The following EP300 variants were observed in gnomAD, a reference collection of about 807,000 sequenced individuals.
The protein encoded by EP300 is histone acetyltransferase p300.
Under a neutral mutation model 264.0 loss-of-function variants are expected in EP300, and 31 were observed. That is an observed-to-expected ratio of 0.12 (90% CI 0.09 to 0.16). The LOEUF is 0.16. Among genes scored for constraint, EP300 ranks in the 10% least tolerant of loss-of-function variants. The pLI is 1.00. For synonymous variants in EP300, 1,340 were observed against 1,045.4 expected (o/e 1.28, Z -5.44); for missense variants, 2,766 against 3,052.9 (o/e 0.91, Z 2.21).
chr22:41,093,722 C>T (rs551794340), intron 1 of EP300, among the ~76,000 whole-genome samples: 4 of 152,318 alleles, frequency 2.6e-5, no homozygotes, highest in Middle Eastern at 6.8e-3. Context: ...GTTCATTTCA[C>T]ATCTCCCAGT....
chr22:41,152,962 T>G (rs533400113), intron 16 of EP300, among the ~76,000 whole-genome samples: 1 of 152,292 alleles, frequency 6.6e-6, no homozygotes, highest in East Asian at 1.9e-4. Context: ...TTCACCGTGT[T>G]GGCCAGGATG....
At chr22:41,136,674 T>G (rs970051287) in intron 7 of EP300, among the ~76,000 whole-genome samples, 1 of 151,972 alleles carries the variant, frequency 6.6e-6, no homozygotes, top group Non-Finnish European at 1.5e-5. Context: ...ATAAAAATTA[T>G]TATTTTAAAA....
At chr22:41,130,252 A>G (rs1443666274) in intron 5 of EP300, among the ~76,000 whole-genome samples, 1 of 133,548 alleles carries the variant, frequency 7.5e-6, no homozygotes, top group African/African-American at 2.7e-5. Context: ...ACCTGCCTCA[A>G]TTAAAAAAAA....
chr22:41,149,734 G>A, intron 13 of EP300, 27 bp from the exon 14 acceptor site: 2 of 1,610,978 alleles, frequency 1.2e-6, no homozygotes, highest in South Asian at 2.2e-5. Context: ...CTGAATTGCT[G>A]TCTTGTTATG....
intron 22 of EP300, among the ~76,000 whole-genome samples, chr22:41,166,322 T>TGTGA (rs2059133934): frequency 6.6e-6 from 1 of 152,226 alleles, no homozygotes; most frequent in Non-Finnish European, 1.5e-5. Flanking sequence ...CCCTATCACA[T>TGTGA]TAGCAAAACC....
rs976850610 is a variant in EP300, at chr22:41,092,818, C to G, written c.-187C>G. On this transcript the variant is annotated 5_prime_UTR_variant, in exon 1 of 31. Transcript: ENST00000263253. The stretch of plus-strand genomic sequence containing the variant: ...CCCCTCGCACTTGCCCTTACCTTTT[C>G]TATCGAGTCCGCATCCCTCTCCAGC... 8 of 696,726 alleles carry G rather than the reference C, an allele frequency of 1.1e-5. No homozygotes were observed. Among genetic ancestry groups the G allele is most frequent in the Non-Finnish European group, 2.1e-5 (8 of 387,306 alleles). The allele number at this position is 696,726 out of a possible 1,614,324, so 43.2% of individuals were successfully genotyped here. A position where few individuals can be genotyped will look rare whatever the true frequency, so the allele number is the denominator to read the frequency against.
chr22:41,109,266 AAAC>A (rs1569086124), intron 1 of EP300, among the ~76,000 whole-genome samples: 1 of 151,690 alleles, frequency 6.6e-6, no homozygotes, highest in Non-Finnish European at 1.5e-5. Context: ...AAAAAAAAAA[AAAC>A]AAAAAAAAAC....
chr22:41,101,315 C>T lies in EP300; in HGVS notation c.94+8217C>T, dbSNP rs145000172. Among the ~76,000 whole-genome samples, 194 of 152,188 alleles carry T rather than the reference C, an allele frequency of 1.3e-3. 3 individuals carry two copies. The East Asian group carries it at 0.035, about 27-fold the overall frequency. ...GTCTCGAACTCCTGACCTCAGTCTG[C>T]CCACCTCGGCCTCCCAAAGTGCTGG... On this transcript the variant is annotated intron_variant, in intron 1 of 30. Transcript: ENST00000263253.
At chr22:41,117,899 A>C (rs1215929340) in intron 2 of EP300, 78 bp downstream of exon 2, 9 of 1,601,012 alleles carry the variant, frequency 5.6e-6, no homozygotes, top group Non-Finnish European at 7.7e-6. Flanking sequence ...TTTGCCTTAC[A>C]TTGTATAGCA....
chr22:41,170,315 A>G (rs2059162270), intron 26 of EP300, 91 bp from the exon 27 acceptor site: 3 of 1,243,248 alleles, frequency 2.4e-6, no homozygotes, highest in Non-Finnish European at 3.5e-6. Context: ...AATTATTGGT[A>G]TCTATATCAA....
Position 41,127,497 on chromosome 22 carries a change from C to T in EP300, c.917C>T (p.Pro306Leu). ...TGTTATATCTCTCAGGGTCAACAGC[C>T]AGCCCCGCAGGTCCAGCAGCCAGGC... ...GGGMPNMGQQ[P>L]APQVQQPGLV... is the part of the protein sequence containing the mutation. Residue 306 changes from proline to leucine, a missense_variant, in exon 4 of 31, where the codon CCA (proline) becomes CTA (leucine). Physicochemically the swap from Pro to Leu is moderately conservative, Grantham distance 98. Coordinates refer to ENST00000263253, the MANE Select transcript of EP300 (RefSeq NM_001429.4). The T allele has an allele frequency of 1.2e-6, 2 of 1,614,164 alleles. No homozygotes were observed. Among genetic ancestry groups the T allele is most frequent in the Non-Finnish European group, 8.5e-7 (1 of 1,180,036 alleles).
At chr22:41,163,506 T>G (rs2059118888) in intron 21 of EP300, among the ~76,000 whole-genome samples, 1 of 151,494 alleles carries the variant, frequency 6.6e-6, no homozygotes, top group South Asian at 2.1e-4. Context: ...TCCCAGCACT[T>G]TGGGAGGCCA....
At chr22:41,157,846 C>T (rs1322161835) in intron 18 of EP300, among the ~76,000 whole-genome samples, 1 of 152,082 alleles carries the variant, frequency 6.6e-6, no homozygotes, top group East Asian at 1.9e-4. Context: ...TTACTGTGTG[C>T]CACAGTAGTA....
At chr22:41,118,295 C>G (rs2058832646) in intron 2 of EP300, among the ~76,000 whole-genome samples, 1 of 152,182 alleles carries the variant, frequency 6.6e-6, no homozygotes, top group African/African-American at 2.4e-5. Flanking sequence ...TGTGAAACCT[C>G]AACAGTGTAG....
chr22:41,131,765 G>A, intron 6 of EP300, 132 bp downstream of exon 6: 1 of 1,335,830 alleles, frequency 7.5e-7, no homozygotes, highest in Non-Finnish European at 1.0e-6. Flanking sequence ...AGATTACAGT[G>A]TAAAAGGTCC....
At chr22:41,113,405 C>G (rs1255074222) in intron 1 of EP300, among the ~76,000 whole-genome samples, 2 of 151,888 alleles carry the variant, frequency 1.3e-5, no homozygotes, top group East Asian at 3.9e-4. Flanking sequence ...TGTTACATTC[C>G]TATTTCCTGT....
At chr22:41,098,446 A>C (rs1326104376) in intron 1 of EP300, among the ~76,000 whole-genome samples, 1 of 152,142 alleles carries the variant, frequency 6.6e-6, no homozygotes, top group African/African-American at 2.4e-5. Flanking sequence ...ATCTCGGGTC[A>C]CTGCAAGCTC....
At chr22:41,147,071 G>A (rs961442534) in intron 11 of EP300, among the ~76,000 whole-genome samples, 10 of 152,116 alleles carry the variant, frequency 6.6e-5, no homozygotes, top group African/African-American at 2.2e-4. Context: ...TTGGGAGGCC[G>A]AGGCTGGTGT....
intron 1 of EP300, among the ~76,000 whole-genome samples, chr22:41,096,692 C>G (rs1476776292): frequency 1.4e-5 from 2 of 147,374 alleles, no homozygotes; most frequent in African/African-American, 2.5e-5. Context: ...GATCTTGGCT[C>G]ACTGCAATCT....
Sources: allele counts gnomAD v4.1 joint callset (sites outside exome capture counted in the v4.1 genomes callset), GRCh38; gene constraint gnomAD v4.1.1; transcripts MANE v1.5; gene names NCBI Gene and HGNC (gene_info 2026-07-23, HGNC 2026-07-21).